The following LRRC7 variants were observed in gnomAD, a reference collection of about 807,000 sequenced individuals.
LRRC7 encodes leucine-rich repeat-containing protein 7.
Under a neutral mutation model 175.7 loss-of-function variants are expected in LRRC7, and 23 were observed. That is an observed-to-expected ratio of 0.13 (90% CI 0.09 to 0.19). The LOEUF is 0.19. Among genes scored for constraint, LRRC7 ranks in the 10% least tolerant of loss-of-function variants. The pLI is 1.00. For synonymous variants in LRRC7, 685 were observed against 680.9 expected, an observed-to-expected ratio of 1.01 and a Z score of -0.09; for missense variants, 1,354 against 1,904.7, an observed-to-expected ratio of 0.71 and a Z score of 5.38.
chr1:69,981,796 T>C (rs1380699973), intron 9 of LRRC7, among the ~76,000 whole-genome samples: 1 of 152,234 alleles, frequency 6.6e-6, no homozygotes, highest in Non-Finnish European at 1.5e-5. Context: ...TATATTTATT[T>C]ATTAAAAATT....
Position 69,678,482 on chromosome 1 carries a change from A to C in LRRC7, c.100+4A>C. ...CGGAAGAGGCCTGAAGAGGAGTGTA[A>C]GTATGTTTAATAGGATTACCTGTGT... On this transcript the variant is annotated splice_donor_region_variant and intron_variant, in intron 2 of 26. Transcript: ENST00000651989. 1.3e-6 allele frequency: 2 copies of C among 1,591,244 alleles called. No individual in the cohort carries two copies. Among genetic ancestry groups the C allele is most frequent in the Non-Finnish European group, 1.7e-6 (2 of 1,167,046 alleles).
At chr1:69,687,752 C>T (rs1661367111) in intron 2 of LRRC7, among the ~76,000 whole-genome samples, 1 of 151,774 alleles carries the variant, frequency 6.6e-6, no homozygotes, top group Admixed American at 6.6e-5. Flanking sequence ...TTAATATTAG[C>T]AAGAGATAAC....
intron 1 of LRRC7, among the ~76,000 whole-genome samples, chr1:69,569,102 A>G (rs1645626313): frequency 6.6e-6 from 1 of 152,006 alleles, no homozygotes; most frequent in Admixed American, 6.5e-5. Context: ...CACTTGTGGC[A>G]GGACGCACTT....
At chr1:70,096,372 T>C (rs912308467) in intron 25 of LRRC7, among the ~76,000 whole-genome samples, 1 of 152,240 alleles carries the variant, frequency 6.6e-6, no homozygotes, top group Non-Finnish European at 1.5e-5. Flanking sequence ...AAAAGAGAAC[T>C]GCTTCCTATA....
At chr1:69,775,249 G>T (rs970962042) in intron 3 of LRRC7, among the ~76,000 whole-genome samples, 29 of 152,098 alleles carry the variant, frequency 1.9e-4, no homozygotes, top group Non-Finnish European at 2.9e-5. Context: ...ATTTCATTAA[G>T]GTGTTTCAAT....
chr1:70,031,885 G>A lies in LRRC7; in HGVS notation c.1995+3514G>A, dbSNP rs549201611. On this transcript the variant is annotated intron_variant, in intron 18 of 26. Transcript: ENST00000651989. ...GCGATCTCAGCTCACTGCAACTTCC[G>A]ACTCCCTGGTTCAAGCGATTCTCCT... is the stretch of plus-strand genomic sequence containing the variant. Among the ~76,000 whole-genome samples, 6 of 151,138 alleles carry A rather than the reference G, an allele frequency of 4.0e-5. No individual in the cohort carries two copies. The South Asian group carries it at 6.3e-4, about 16-fold the overall frequency.
At chr1:69,627,348 G>A (rs1018166775) in intron 1 of LRRC7, among the ~76,000 whole-genome samples, 21 of 152,146 alleles carry the variant, frequency 1.4e-4, no homozygotes, top group African/African-American at 5.1e-4. Flanking sequence ...TTTTTCATGT[G>A]TCTGTTGGCT....
chr1:69,604,558 C>T (rs960391926), intron 1 of LRRC7, among the ~76,000 whole-genome samples: 6 of 152,118 alleles, frequency 3.9e-5, no homozygotes, highest in Non-Finnish European at 8.8e-5. Flanking sequence ...ATTGGATTAG[C>T]TCTAGCAGAG....
chr1:70,119,955 A>C (rs1666107371), intron 26 of LRRC7, among the ~76,000 whole-genome samples: 1 of 152,114 alleles, frequency 6.6e-6, no homozygotes, highest in African/African-American at 2.4e-5. Context: ...TGAAGGCATT[A>C]AGGTATTTTG....
At chr1:69,714,781 G>GT (rs1039625305) in intron 2 of LRRC7, among the ~76,000 whole-genome samples, 19 of 151,716 alleles carry the variant, frequency 1.3e-4, no homozygotes, top group South Asian at 4.2e-4. Flanking sequence ...GGAATCTGAT[G>GT]TTTTTTTTAA....
At chr1:69,731,304 A>C (rs1333365400) in intron 2 of LRRC7, among the ~76,000 whole-genome samples, 2 of 152,074 alleles carry the variant, frequency 1.3e-5, no homozygotes, top group African/African-American at 4.8e-5. Context: ...CCCCAAAAAA[A>C]CCATGAGACC....
At chr1:69,998,415 A>G (rs1202543710) in intron 11 of LRRC7, among the ~76,000 whole-genome samples, 1 of 152,176 alleles carries the variant, frequency 6.6e-6, no homozygotes, top group East Asian at 1.9e-4. Context: ...TAAAAGTCTC[A>G]GCCATTTTTT....
At chr1:69,928,469 G>A (rs1647164017) in intron 7 of LRRC7, among the ~76,000 whole-genome samples, 1 of 152,246 alleles carries the variant, frequency 6.6e-6, no homozygotes, top group Non-Finnish European at 1.5e-5. Flanking sequence ...CTCAGTTTGA[G>A]CTTCATGGCT....
intron 11 of LRRC7, among the ~76,000 whole-genome samples, chr1:69,997,899 G>T (rs1487748693): frequency 1.3e-5 from 2 of 152,154 alleles, no homozygotes; most frequent in African/African-American, 4.8e-5. Flanking sequence ...TTGGTATCAG[G>T]ATGATGCTGG....
rs544808070 is a variant in LRRC7, at chr1:69,999,531, A to T, written c.1004+4898A>T. ...TAGAGATTCTTAGGGAAGTAGGGAG[A>T]AATCATTGCTTCAATTGGCCATCAT... is the stretch of plus-strand genomic sequence containing the variant. On this transcript the variant is annotated intron_variant, in intron 11 of 26. Transcript: ENST00000651989. Among the ~76,000 whole-genome samples, 5 of 152,306 alleles carry T rather than the reference A, an allele frequency of 3.3e-5. No homozygotes were observed. In the South Asian group the frequency reaches 1.0e-3, roughly 32 times the overall value.
rs183808904 is a variant in LRRC7 at position 69,611,738 on chromosome 1, A to G, written c.2+43097A>G. Among the ~76,000 whole-genome samples the G allele has an allele frequency of 1.8e-3, 270 of 152,152 alleles. 1 individual carries two copies. Among genetic ancestry groups the G allele is most frequent in the African/African-American group, 6.2e-3 (258 of 41,532 alleles). Reference sequence around the variant, plus strand: ...AGACAGTACTTCAGCACTATGTTTGATGGCTGTTTTCAACAGTGGAATCTC... The same window carrying G: ...AGACAGTACTTCAGCACTATGTTTGGTGGCTGTTTTCAACAGTGGAATCTC... On this transcript the variant is annotated intron_variant, in intron 1 of 26. Coordinates refer to ENST00000651989, the MANE Select transcript of LRRC7 (RefSeq NM_001370785.2).
Position 69,579,361 on chromosome 1 carries a change from T to C in LRRC7, c.2+10720T>C, listed in dbSNP as rs1646099182. On this transcript the variant is annotated intron_variant, in intron 1 of 26. Transcript: ENST00000651989. ...TTGGTTACATTCTCCACATATCTTT[T>C]TTTAAAAAATAAAAAAGGTTAAACC... 2.0e-5 allele frequency among the ~76,000 whole-genome samples: 3 copies of C among 152,194 alleles called. No homozygotes were observed. The South Asian group carries it at 6.2e-4, about 32-fold the overall frequency.
chr1:69,929,362 T>C (rs1001869727), intron 7 of LRRC7, among the ~76,000 whole-genome samples: 22 of 152,302 alleles, frequency 1.4e-4, no homozygotes, highest in South Asian at 6.2e-4. Context: ...CACCTAAAAC[T>C]GAACTTCCAG....
At chr1:69,926,888 G>GT (rs1197583080) in intron 7 of LRRC7, among the ~76,000 whole-genome samples, 2 of 152,182 alleles carry the variant, frequency 1.3e-5, no homozygotes, top group East Asian at 3.8e-4. Flanking sequence ...AGTTGATGCA[G>GT]TTTCTTCGTA....
Sources: gnomAD v4.1 joint callset for allele counts (sites outside exome capture counted in the v4.1 genomes callset) on GRCh38, gnomAD v4.1.1 for gene constraint, MANE v1.5 for transcripts, NCBI Gene and HGNC (gene_info 2026-07-23, HGNC 2026-07-21) for gene names.